NOLC1: variants seen among roughly 807,000 people sequenced by gnomAD.
NOLC1 encodes nucleolar and coiled-body phosphoprotein 1.
NOLC1 carries 37 observed loss-of-function variants against 73.4 expected under a neutral mutation model. The ratio of observed to expected loss-of-function variants is 0.50; its 90% CI spans 0.39 to 0.66. The LOEUF (loss-of-function observed/expected upper bound fraction) is 0.66, where lower values mean the gene tolerates loss of function less well. Among genes scored for constraint, NOLC1 ranks in the 30% least tolerant of loss-of-function variants. The pLI is 0.00. For synonymous variants in NOLC1, 327 were observed against 302.6 expected (o/e 1.08, Z -0.84); for missense variants, 921 against 838.9 (o/e 1.10, Z -1.21).
rs1013053162 is a variant in NOLC1, at chr10:102,162,336, G to A, written c.*67G>A. 3 of 1,541,848 alleles carry A rather than the reference G, an allele frequency of 1.9e-6. No individual in the cohort carries two copies. In the African/African-American group the frequency reaches 4.1e-5, roughly 21 times the overall value. ...CTACTTACTTTCTCCAGTGGACCTG[G>A]GAACCCTCAGGTCTCTAGGTGAGGG... On this transcript the variant is annotated 3_prime_UTR_variant, in exon 13 of 13. Coordinates refer to ENST00000605788, the MANE Select transcript of NOLC1 (RefSeq NM_004741.5).
rs1199868319 is a variant in NOLC1 at position 102,161,050 on chromosome 10, G to C, written c.1698G>C (p.Glu566Asp). Residue 566 changes from glutamate to aspartate, a missense_variant, in exon 10 of 13, where the codon GAG becomes GAC. Physicochemically the swap from Glu to Asp is conservative, Grantham distance 45. Transcript: ENST00000605788. ...NGKAAKNSEE[E>D]EEEKKKAAVV... ...AAGCAGCTAAGAACAGTGAGGAGGA[G>C]GAAGAAGAAAAGAAAAAGGCGGCAG... 1.2e-6 allele frequency: 2 copies of C among 1,611,262 alleles called. No individual in the cohort carries two copies. The highest frequency in any genetic ancestry group is 3.4e-5 in the Admixed American group (2 of 59,236).
Position 102,159,918 on chromosome 10 carries a change from G to A in NOLC1, c.882G>A (p.Pro294=), listed in dbSNP as rs112050395. Reference sequence around the variant, plus strand: ...CAGGTCCCTACAGTTCAGTCCCCCCGCCTTCTGCTCCCCCACCAAAGAAGT... The same window carrying A: ...CAGGTCCCTACAGTTCAGTCCCCCCACCTTCTGCTCCCCCACCAAAGAAGT... ...NKPGPYSSVP[P]PSAPPPKKSL... The change falls in exon 8 of 13, where the codon CCG becomes CCA. Residue 294 remains proline, a synonymous_variant. Transcript: ENST00000605788. 840 of 1,603,048 alleles carry A rather than the reference G, an allele frequency of 5.2e-4. 6 individuals carry two copies. The African/African-American group carries it at 9.7e-3, about 18-fold the overall frequency.
chr10:102,160,386 G>A (rs764316812), intron 9 of NOLC1, 43 bp downstream of exon 9: 1 of 1,613,254 alleles, frequency 6.2e-7, no homozygotes, highest in South Asian at 1.1e-5. Context: ...ATGCTCTCAG[G>A]CAGCTGCTAA....
At chr10:102,159,849 A>T in intron 7 of NOLC1, 47 bp from the exon 8 acceptor site, 2 of 1,464,736 alleles carry the variant, frequency 1.4e-6, no homozygotes, top group Non-Finnish European at 1.8e-6. Flanking sequence ...GTATCAAAAA[A>T]AGTTGTAGAC....
intron 1 of NOLC1, among the ~76,000 whole-genome samples, chr10:102,154,074 T>A (rs2069550917): frequency 6.7e-6 from 1 of 148,492 alleles, no homozygotes; most frequent in African/African-American, 2.5e-5. Context: ...ATTTAATTTT[T>A]TTTTTTTTTT....
chr10:102,152,441 C>G lies in NOLC1; in HGVS notation c.31C>G (p.Pro11Ala), dbSNP rs145813353. Residue 11 changes from proline (P) to alanine (A), a missense_variant, in exon 1 of 13, where the codon CCC (proline) becomes GCC (alanine). By Grantham distance (27) the Pro-to-Ala change is conservative. Transcript: ENST00000605788. ...GGACGCCGGCATTCGCCGCGTGGTT[C>G]CCAGCGACCTGTATCCCCTCGTGCT... Reference protein sequence around the residue: MADAGIRRVVPSDLYPLVLGF... With the variant: MADAGIRRVVASDLYPLVLGF... 11 of 1,612,610 alleles carry G rather than the reference C, an allele frequency of 6.8e-6. No homozygotes were observed. The highest frequency in any genetic ancestry group is 9.3e-6 in the Non-Finnish European group (11 of 1,180,038).
At position 102,159,934 on chromosome 10, in the gene NOLC1, C is replaced by T. The variant is rs2069670983; in HGVS notation, c.898C>T (p.Pro300Ser). The T allele has an allele frequency of 6.2e-7, 1 of 1,608,968 alleles. No individual in the cohort carries two copies. The highest frequency in any genetic ancestry group is 1.1e-5 in the South Asian group (1 of 90,118). The change falls in exon 8 of 13, where the codon CCA (proline) becomes TCA (serine). Residue 300 changes from proline to serine, a missense_variant. Transcript: ENST00000605788. ...AGTCCCCCCGCCTTCTGCTCCCCCA[C>T]CAAAGAAGTCTCTGGGAACCCAGCC... Reference protein sequence around the residue: ...SSVPPPSAPPPKKSLGTQPPK... With the variant: ...SSVPPPSAPPSKKSLGTQPPK...
intron 5 of NOLC1, 37 bp from the exon 6 acceptor site, chr10:102,159,156 A>G: frequency 6.2e-7 from 1 of 1,609,602 alleles, no homozygotes; most frequent in Non-Finnish European, 8.5e-7. Context: ...GACTTGCCCT[A>G]ATACTCCTTA....
intron 12 of NOLC1, 22 bp downstream of exon 12, chr10:102,161,947 T>G: frequency 6.2e-7 from 1 of 1,611,394 alleles, no homozygotes. Flanking sequence ...ATCTGTGCCA[T>G]TCTTGGGAGG....
In NOLC1 at chr10:102,159,245, C is replaced by T. The variant is rs1564970011; in HGVS notation, c.660C>T (p.Ser220=). The T allele has an allele frequency of 2.5e-6, 4 of 1,603,690 alleles. No homozygotes were observed. Among genetic ancestry groups the T allele is most frequent in the Non-Finnish European group, 3.4e-6 (4 of 1,172,276 alleles). Residue 220 remains serine (S), a synonymous_variant, in exon 6 of 13, where the codon AGC becomes AGT. Transcript: ENST00000605788. ...ANGKAASSSS[S]SSSSSSSDDS... ...GTAAAGCAGCCAGTAGCAGCAGTAGCAGCAGCAGCAGCAGTAGCAGTGATG... is the reference window on the plus strand; with the variant it reads ...GTAAAGCAGCCAGTAGCAGCAGTAGTAGCAGCAGCAGCAGTAGCAGTGATG...
At chr10:102,153,440 G>A (rs2069539163) in intron 1 of NOLC1, among the ~76,000 whole-genome samples, 1 of 152,184 alleles carries the variant, frequency 6.6e-6, no homozygotes, top group Admixed American at 6.5e-5. Context: ...AGAGAGGGGG[G>A]GTCTTCAGCA....
Position 102,157,232 on chromosome 10 carries a change from G to C in NOLC1, c.220G>C (p.Val74Leu), listed in dbSNP as rs1412140126. ...PERKLQANGPVAKKAKKKASS... is the reference protein window; with the variant it reads ...PERKLQANGPLAKKAKKKASS... ...GCGAAAGTTACAGGCAAATGGACCA[G>C]TGGCTAAGAAAGCTAAGAAGAAGGC... Residue 74 changes from valine to leucine, a missense_variant, in exon 3 of 13, where the codon GTG (valine) becomes CTG (leucine). Physicochemically the swap from Val to Leu is conservative, Grantham distance 32 (BLOSUM62 1). Transcript: ENST00000605788. 1.9e-6 allele frequency: 3 copies of C among 1,614,088 alleles called. No individual in the cohort carries two copies. Among genetic ancestry groups the C allele is most frequent in the South Asian group, 2.2e-5 (2 of 91,090 alleles).
Position 102,161,845 on chromosome 10 carries a change from G to T in NOLC1, c.1861G>T (p.Ala621Ser), listed in dbSNP as rs747599148. ...FPKRKKGEKR[A>S]SSPFRRVREE... Reference sequence around the variant, plus strand: ...CATTCTTCTGTAGGGAGAAAAAAGGGCATCATCCCCATTCCGAAGGGTCAG... The same window carrying T: ...CATTCTTCTGTAGGGAGAAAAAAGGTCATCATCCCCATTCCGAAGGGTCAG... The change falls in exon 12 of 13, where the codon GCA becomes TCA. Residue 621 changes from alanine to serine, a missense_variant. Ala to Ser is a moderately conservative substitution (Grantham distance 99, BLOSUM62 1). Coordinates refer to ENST00000605788, the MANE Select transcript of NOLC1 (RefSeq NM_004741.5). 2.4e-5 allele frequency: 39 copies of T among 1,613,944 alleles called. No homozygotes were observed. The highest frequency in any genetic ancestry group is 3.1e-5 in the Non-Finnish European group (37 of 1,179,976).
In NOLC1 at chr10:102,157,074, A is replaced by T; in HGVS notation, c.176A>T (p.Lys59Met). 6.2e-7 allele frequency: 1 copy of T among 1,614,166 alleles called. No homozygotes were observed. Among genetic ancestry groups the T allele is most frequent in the Non-Finnish European group, 8.5e-7 (1 of 1,180,014 alleles). ...TTAGACATCTATAGCTTCTGGCTCA[A>T]GTAAGCCTTTCCTGTTCCATTTTGG... ...SLLDIYSFWL[K>M]SAKVPERKLQ... Residue 59 changes from lysine (K) to methionine (M), a missense_variant and splice_region_variant, in exon 2 of 13, where the codon AAG becomes ATG. Physicochemically the swap from Lys to Met is moderately conservative, Grantham distance 95. Transcript: ENST00000605788.
At position 102,160,782 on chromosome 10, in the gene NOLC1, G is replaced by T. The variant is rs371070983; in HGVS notation, c.1430G>T (p.Ser477Ile). 19 of 1,614,228 alleles carry T rather than the reference G, an allele frequency of 1.2e-5. No homozygotes were observed. The highest frequency in any genetic ancestry group is 1.6e-5 in the Non-Finnish European group (19 of 1,180,038). ...AGCAGCTCTGATTCAGACAGCTCCAGCAGTGAGGAGGAGGAAGAGAAGACA... is the reference window on the plus strand; with the variant it reads ...AGCAGCTCTGATTCAGACAGCTCCATCAGTGAGGAGGAGGAAGAGAAGACA... The part of the protein sequence containing the change: ...RDSSSDSDSS[S>I]SEEEEEKTSK... Residue 477 changes from serine to isoleucine, a missense_variant, in exon 10 of 13, where the codon AGC becomes ATC. By Grantham distance (142) the Ser-to-Ile change is moderately radical. Transcript: ENST00000605788.
intron 12 of NOLC1, 54 bp from the exon 13 acceptor site, chr10:102,162,057 G>A: frequency 1.2e-6 from 2 of 1,605,716 alleles, no homozygotes; most frequent in South Asian, 1.1e-5. Context: ...AGAATAAAGT[G>A]ACAGGGCTCC....
Position 102,159,911 on chromosome 10 carries a change from T to G in NOLC1, c.875T>G (p.Val292Gly). The G allele has an allele frequency of 1.3e-6, 2 of 1,597,652 alleles. No homozygotes were observed. The highest frequency in any genetic ancestry group is 1.1e-5 in the South Asian group (1 of 88,574). ...TTTTAAACAGGTCCCTACAGTTCAG[T>G]CCCCCCGCCTTCTGCTCCCCCACCA... The part of the protein sequence containing the change: ...MKNKPGPYSS[V>G]PPPSAPPPKK... The change falls in exon 8 of 13, where the codon GTC (valine) becomes GGC (glycine). Residue 292 changes from valine (V) to glycine (G), a missense_variant. Coordinates refer to ENST00000605788, the MANE Select transcript of NOLC1 (RefSeq NM_004741.5).
At chr10:102,159,120 A>G in intron 5 of NOLC1, 73 bp from the exon 6 acceptor site, 1 of 1,391,714 alleles carries the variant, frequency 7.2e-7, no homozygotes, top group Non-Finnish European at 9.9e-7. Context: ...TTCTCTGCTC[A>G]TAGGAAGGAG....
chr10:102,161,008 G>C lies in NOLC1; in HGVS notation c.1656G>C (p.Leu552=). 6.2e-7 allele frequency: 1 copy of C among 1,614,138 alleles called. No homozygotes were observed. The highest frequency in any genetic ancestry group is 1.1e-5 in the South Asian group (1 of 91,070). Residue 552 remains leucine (L), a synonymous_variant, in exon 10 of 13, where the codon CTG becomes CTC. Coordinates refer to ENST00000605788, the MANE Select transcript of NOLC1 (RefSeq NM_004741.5). ...CCAAGGCCAATGGCACCTCTGCACT[G>C]ACTGCCCAGAATGGAAAAGCAGCTA... ...QAPKANGTSA[L]TAQNGKAAKN...
Sources: gnomAD v4.1 joint callset for allele counts (sites outside exome capture counted in the v4.1 genomes callset) on GRCh38, gnomAD v4.1.1 for gene constraint, MANE v1.5 for transcripts, NCBI Gene and HGNC (gene_info 2026-07-23, HGNC 2026-07-21) for gene names.